PSEN1: variants seen among roughly 807,000 people sequenced by gnomAD.
PSEN1 encodes the protein presenilin 1.
PSEN1 carries 15 observed loss-of-function variants against 53.5 expected under a neutral mutation model. The observed-to-expected ratio is 0.28, with a 90% CI of 0.19 to 0.43. The LOEUF (loss-of-function observed/expected upper bound fraction) is 0.43, where lower values mean the gene tolerates loss of function less well. PSEN1 is among the 20% of genes least tolerant of loss of function. The probability of loss-of-function intolerance (pLI) is 1.00; values close to 1 mark genes in which losing one functional copy is unlikely to be tolerated. For missense variants in PSEN1, 387 were observed against 571.2 expected, an observed-to-expected ratio of 0.68 and a Z score of 3.29; for synonymous variants, 208 against 209.8, an observed-to-expected ratio of 0.99 and a Z score of 0.08.
chr14:73,157,547 A>T (rs1239713111), intron 3 of PSEN1, among the ~76,000 whole-genome samples: 3 of 152,144 alleles, frequency 2.0e-5, no homozygotes, highest in African/African-American at 7.2e-5. Flanking sequence ...TACTCTTGAA[A>T]CCACCACCAC....
intron 5 of PSEN1, among the ~76,000 whole-genome samples, chr14:73,179,341 G>A (rs940053983): frequency 6.6e-6 from 1 of 152,212 alleles, no homozygotes; most frequent in Non-Finnish European, 1.5e-5. Context: ...AGAATGCCGG[G>A]TGTGGTGGCT....
chr14:73,185,207 G>C lies in PSEN1; in HGVS notation c.481-1646G>C, dbSNP rs1319430516. Among the ~76,000 whole-genome samples, 1,256 of 152,128 alleles carry C rather than the reference G, an allele frequency of 8.3e-3. 16 individuals are homozygous for C. The highest frequency in any genetic ancestry group is 0.029 in the African/African-American group (1,199 of 41,482). On this transcript the variant is annotated intron_variant, in intron 5 of 11. Transcript: ENST00000324501. ...CTCCTCACTTCCCAGACGGGGTGGC[G>C]GCCGGGCAGAGGCTACAATCTCGGC...
At chr14:73,168,379 A>G (rs1275629793) in intron 3 of PSEN1, 1 of 152,276 alleles carries the variant, frequency 6.6e-6, no homozygotes, top group Non-Finnish European at 1.5e-5. Flanking sequence ...AAAAACAAAA[A>G]AGATTTCAGC....
chr14:73,138,497 G>A (rs974294268), intron 1 of PSEN1, among the ~76,000 whole-genome samples: 6 of 150,034 alleles, frequency 4.0e-5, no homozygotes, highest in African/African-American at 1.5e-4. Context: ...GCGATTACAG[G>A]CGTGAGCCAC....
intron 4 of PSEN1, among the ~76,000 whole-genome samples, chr14:73,171,880 G>C (rs1897900775): frequency 6.6e-6 from 1 of 152,220 alleles, no homozygotes; most frequent in African/African-American, 2.4e-5. Flanking sequence ...AATCCTCAAA[G>C]ATAACATTCC....
chr14:73,173,209 C>T (rs1897942324), intron 4 of PSEN1, among the ~76,000 whole-genome samples: 1 of 152,114 alleles, frequency 6.6e-6, no homozygotes, highest in Non-Finnish European at 1.5e-5. Flanking sequence ...CTTGTCAGCC[C>T]ACGTGGTTTC....
chr14:73,209,890 C>A (rs1385312771), intron 9 of PSEN1, among the ~76,000 whole-genome samples: 1 of 152,150 alleles, frequency 6.6e-6, no homozygotes, highest in East Asian at 1.9e-4. Context: ...GGGCACAGTT[C>A]TTTGTGGGAC....
chr14:73,209,369 T>C (rs148092059), intron 9 of PSEN1, among the ~76,000 whole-genome samples: 6 of 152,328 alleles, frequency 3.9e-5, no homozygotes, highest in African/African-American at 1.4e-4. Flanking sequence ...GTAAGAAATA[T>C]ACTGGAAAGA....
intron 3 of PSEN1, among the ~76,000 whole-genome samples, chr14:73,165,791 C>T (rs1897695444): frequency 6.7e-6 from 1 of 149,176 alleles, no homozygotes; most frequent in Non-Finnish European, 1.5e-5. Context: ...GGCGCGGTGG[C>T]TCACGCCTGT....
At position 73,206,432 on chromosome 14, in the gene PSEN1, T is replaced by G. The variant is rs746839057; in HGVS notation, c.915T>G (p.Ala305=). Residue 305 remains alanine (A), a synonymous_variant, in exon 9 of 12, where the codon GCT becomes GCG. Coordinates refer to ENST00000324501, the MANE Select transcript of PSEN1 (RefSeq NM_000021.4). ...LVNMAEGDPE[A]QRRVSKNSKY... ...ATATGGCAGAAGGAGACCCGGAAGC[T>G]CAAAGGAGAGTATCCAAAAATTCCA... The G allele has an allele frequency of 1.9e-6, 3 of 1,614,044 alleles. No homozygotes were observed. Among genetic ancestry groups the G allele is most frequent in the South Asian group, 1.1e-5 (1 of 91,072 alleles).
At chr14:73,175,043 A>G (rs914108564) in intron 5 of PSEN1, among the ~76,000 whole-genome samples, 3 of 152,290 alleles carry the variant, frequency 2.0e-5, no homozygotes, top group Non-Finnish European at 4.4e-5. Flanking sequence ...GTGTTCGGCC[A>G]GGCATGGTGG....
intron 8 of PSEN1, among the ~76,000 whole-genome samples, chr14:73,201,502 T>C (rs1213166148): frequency 6.6e-6 from 1 of 152,208 alleles, no homozygotes; most frequent in Non-Finnish European, 1.5e-5. Flanking sequence ...AGTAGAGTGA[T>C]AGAACCAGAA....
At chr14:73,198,846 T>C (rs1899061841) in intron 8 of PSEN1, among the ~76,000 whole-genome samples, 1 of 152,162 alleles carries the variant, frequency 6.6e-6, no homozygotes. Flanking sequence ...TGATCATGGC[T>C]CACTGCAGCC....
chr14:73,192,688 T>A lies in PSEN1; in HGVS notation c.593T>A (p.Val198Asp), dbSNP rs768923334. ...AACGTTGCTGTGGACTACATTACTG[T>A]TGCACTCCTGATCTGGAATTTTGGT... is the stretch of plus-strand genomic sequence containing the variant. ...TYNVAVDYITVALLIWNFGVV... is the reference protein window; with the variant it reads ...TYNVAVDYITDALLIWNFGVV... Residue 198 changes from valine (V) to aspartate (D), a missense_variant, in exon 7 of 12, where the codon GTT becomes GAT. Around this residue, in one of 4 missense-constraint regions of PSEN1, gnomAD observed 169 missense variants for 299.7 expected, o/e 0.56. Coordinates refer to ENST00000324501, the MANE Select transcript of PSEN1 (RefSeq NM_000021.4). 1.2e-6 allele frequency: 2 copies of A among 1,614,152 alleles called. No individual in the cohort carries two copies. Among genetic ancestry groups the A allele is most frequent in the Non-Finnish European group, 1.7e-6 (2 of 1,180,018 alleles).
At chr14:73,217,381 A>G in intron 11 of PSEN1, 137 bp downstream of exon 11, 2 of 961,732 alleles carry the variant, frequency 2.1e-6, no homozygotes, top group Non-Finnish European at 3.2e-6. Context: ...TGATAATTGG[A>G]CCTCACCTTA....
intron 8 of PSEN1, among the ~76,000 whole-genome samples, chr14:73,198,920 C>T (rs935846846): frequency 6.6e-6 from 1 of 152,052 alleles, no homozygotes; most frequent in African/African-American, 2.4e-5. Flanking sequence ...ACTACAGGCA[C>T]GCACTACCAG....
chr14:73,188,454 T>A (rs1898596875), intron 6 of PSEN1, among the ~76,000 whole-genome samples: 1 of 152,114 alleles, frequency 6.6e-6, no homozygotes, highest in Non-Finnish European at 1.5e-5. Context: ...GAAAGTTGGA[T>A]ACCAACCTGC....
chr14:73,211,338 CA>C (rs1451794333), intron 9 of PSEN1, among the ~76,000 whole-genome samples: 2 of 152,148 alleles, frequency 1.3e-5, no homozygotes, highest in Non-Finnish European at 2.9e-5. Flanking sequence ...AGGCAACATT[CA>C]GGGGTAGAAG....
chr14:73,166,995 T>C (rs1358430874), intron 3 of PSEN1, among the ~76,000 whole-genome samples: 1 of 152,052 alleles, frequency 6.6e-6, no homozygotes, highest in Non-Finnish European at 1.5e-5. Flanking sequence ...GACTGGGTGA[T>C]TTATTTATTT....
Sources: gnomAD v4.1 joint callset for allele counts (sites outside exome capture counted in the v4.1 genomes callset) on GRCh38, gnomAD v4.1.1 for gene constraint, gnomAD v4.1.1 regional missense constraint, MANE v1.5 for transcripts, NCBI Gene and HGNC (gene_info 2026-07-23, HGNC 2026-07-21) for gene names.